Variants in TRPC5 observed in about 807,000 individuals in gnomAD.
TRPC5 encodes transient receptor potential cation channel subfamily C member 5, also known as short transient receptor potential channel 5.
Under a neutral mutation model 56.5 loss-of-function variants are expected in TRPC5, and 9 were observed. The observed-to-expected ratio is 0.16, with a 90% CI of 0.10 to 0.28. TRPC5 has a LOEUF of 0.28. TRPC5 is among the 10% of genes least tolerant of loss of function. The probability of loss-of-function intolerance (pLI) is 1.00; values close to 1 mark genes in which losing one functional copy is unlikely to be tolerated. For missense variants in TRPC5, 469 were observed against 748.9 expected, an observed-to-expected ratio of 0.63 and a Z score of 4.36; for synonymous variants, 282 against 278.5, an observed-to-expected ratio of 1.01 and a Z score of -0.13.
intron 1 of TRPC5, among the ~76,000 whole-genome samples, chrX:112,032,414 G>A (rs1017254235): frequency 4.5e-5 from 5 of 111,155 alleles, no homozygotes; most frequent in African/African-American, 1.3e-4. Context: ...CCAAAAGAAG[G>A]GAAATCAGTA....
In TRPC5 at chrX:111,887,231, G is replaced by T. The variant is rs190953980; in HGVS notation, c.900+25060C>A. Among the ~76,000 whole-genome samples the T allele has an allele frequency of 3.4e-3, 383 of 112,749 alleles. 2 individuals are homozygous for T. Among genetic ancestry groups the T allele is most frequent in the African/African-American group, 0.012 (376 of 31,090 alleles). ...GTGGGTAATGCCAGAGGAAGGCAGA[G>T]CTAGTTAGGAAGAAACAAATAATTT... On this transcript the variant is annotated intron_variant, in intron 3 of 10. Transcript: ENST00000262839.
chrX:111,905,086 T>C, intron 3 of TRPC5, among the ~76,000 whole-genome samples: 1 of 110,870 alleles, frequency 9.0e-6, no homozygotes, highest in East Asian at 2.8e-4. Flanking sequence ...ATATTCCATT[T>C]AAGGCTAAGA....
chrX:111,848,973 C>T (rs1923008727), intron 5 of TRPC5, among the ~76,000 whole-genome samples: 1 of 112,121 alleles, frequency 8.9e-6, no homozygotes, highest in African/African-American at 3.2e-5. Flanking sequence ...GGTCTCCAGA[C>T]ACTCAGTCTA....
chrX:112,015,609 G>A (rs1284862714), intron 1 of TRPC5, among the ~76,000 whole-genome samples: 7 of 111,368 alleles, frequency 6.3e-5, no homozygotes, highest in Admixed American at 2.9e-4. Context: ...GGCACAATTC[G>A]CGTCATCCGG....
At chrX:112,072,855 T>A (rs1390097235) in intron 1 of TRPC5, among the ~76,000 whole-genome samples, 1 of 111,834 alleles carries the variant, frequency 8.9e-6, no homozygotes, top group Non-Finnish European at 1.9e-5. Context: ...TCTTCACCTT[T>A]GATCATATAA....
chrX:111,845,756 C>T lies in TRPC5; in HGVS notation c.1700+1358G>A, dbSNP rs72619720. Among the ~76,000 whole-genome samples the T allele has an allele frequency of 2.5e-3, 286 of 112,182 alleles. 5 individuals are homozygous for T. In the East Asian group the frequency reaches 0.069, roughly 27 times the overall value. On this transcript the variant is annotated intron_variant, in intron 6 of 10. Coordinates refer to ENST00000262839, the MANE Select transcript of TRPC5 (RefSeq NM_012471.3). Reference sequence around the variant, plus strand: ...AGGAGAGGAAGCCATTCCTAGTCAACAGGCACTAGCGAGCTGATAAGCTGC... The same window carrying T: ...AGGAGAGGAAGCCATTCCTAGTCAATAGGCACTAGCGAGCTGATAAGCTGC...
At chrX:111,951,469 G>C (rs959819698) in intron 2 of TRPC5, among the ~76,000 whole-genome samples, 1 of 112,031 alleles carries the variant, frequency 8.9e-6, no homozygotes. Flanking sequence ...GATGACTTCA[G>C]AGTATCAAAC....
chrX:112,079,820 C>T (rs762462906), intron 1 of TRPC5, among the ~76,000 whole-genome samples: 41 of 111,331 alleles, frequency 3.7e-4, no homozygotes, highest in Non-Finnish European at 6.6e-4. Context: ...TCAGTGAAGC[C>T]GGGGGCTACA....
At chrX:111,822,809 AT>A (rs1046727576) in intron 7 of TRPC5, among the ~76,000 whole-genome samples, 1 of 111,269 alleles carries the variant, frequency 9.0e-6, no homozygotes, top group East Asian at 2.8e-4. Flanking sequence ...GGGGAGAGGT[AT>A]TTTTTTTGGG....
intron 3 of TRPC5, among the ~76,000 whole-genome samples, chrX:111,898,449 TC>T (rs746300804): frequency 7.3e-5 from 8 of 109,524 alleles, no homozygotes; most frequent in Admixed American, 9.8e-5. Flanking sequence ...CATTTTTGTA[TC>T]CCCTGTTTCC....
intron 3 of TRPC5, among the ~76,000 whole-genome samples, chrX:111,860,151 G>A (rs1374107073): frequency 3.6e-5 from 4 of 112,230 alleles, no homozygotes; most frequent in Admixed American, 9.4e-5. Context: ...CTCGTGATCC[G>A]CCCACCTCGG....
rs1401171350 is a variant in TRPC5, at chrX:111,768,602, G to C, written c.*7711C>G. On this transcript the variant is annotated 3_prime_UTR_variant, in exon 11 of 11. Transcript: ENST00000262839. The stretch of plus-strand genomic sequence containing the variant: ...TGTTTATCCTTATCTGAAGTGTCCT[G>C]GGGAAGGTCTGTGTCTTTACTGTTG... Among the ~76,000 whole-genome samples the C allele has an allele frequency of 8.9e-6, 1 of 111,876 alleles. No homozygotes were observed. Among genetic ancestry groups the C allele is most frequent in the East Asian group, 2.8e-4 (1 of 3,585 alleles).
In TRPC5 at chrX:111,912,822, AG is replaced by A; in HGVS notation, c.379-11del. 1 of 1,187,411 alleles carries A rather than the reference AG, an allele frequency of 8.4e-7. No individual in the cohort carries two copies. Among genetic ancestry groups the A allele is most frequent in the South Asian group, 1.8e-5 (1 of 54,121 alleles). ...TCATCAGAGTGGGGACCTAGGTACA[AG>A]AAATGAGAAGAATAGAAGGGCAGGA... On this transcript the variant is annotated splice_polypyrimidine_tract_variant and intron_variant, in intron 2 of 10. Transcript: ENST00000262839.
intron 1 of TRPC5, among the ~76,000 whole-genome samples, chrX:111,970,944 A>G (rs748714441): frequency 9.2e-6 from 1 of 109,049 alleles, no homozygotes; most frequent in Admixed American, 9.8e-5. Flanking sequence ...CGCCTGGCTA[A>G]TTTTTTTGTA....
chrX:112,069,941 G>A (rs893008434), intron 1 of TRPC5, among the ~76,000 whole-genome samples: 4 of 111,917 alleles, frequency 3.6e-5, no homozygotes, highest in African/African-American at 1.3e-4. Context: ...CCATCCTTCA[G>A]CAGTATCATT....
intron 1 of TRPC5, among the ~76,000 whole-genome samples, chrX:111,962,797 G>A (rs1046911785): frequency 8.9e-6 from 1 of 112,162 alleles, no homozygotes; most frequent in South Asian, 3.7e-4. Flanking sequence ...AGAGTCAATC[G>A]ATGTGGCAAA....
At position 111,955,308 on chromosome X, in the gene TRPC5, A is replaced by G. The variant is rs180860487; in HGVS notation, c.-21-2867T>C. Among the ~76,000 whole-genome samples, 63 of 112,002 alleles carry G rather than the reference A, an allele frequency of 5.6e-4. No individual in the cohort carries two copies. The Admixed American group carries it at 5.8e-3, about 10-fold the overall frequency. ...AGAGTCACTCTTGCTTTAAGGGACT[A>G]CATTGCCAAAACTACCCCTGGATGA... On this transcript the variant is annotated intron_variant, in intron 1 of 10. Transcript: ENST00000262839.
intron 7 of TRPC5, among the ~76,000 whole-genome samples, chrX:111,796,058 A>G (rs1488559601): frequency 9.0e-6 from 1 of 111,483 alleles, no homozygotes; most frequent in Non-Finnish European, 1.9e-5. Context: ...TCCATCTTCC[A>G]GTTTGTTGAT....
At chrX:112,068,626 G>C (rs981050832) in intron 1 of TRPC5, among the ~76,000 whole-genome samples, 2 of 111,677 alleles carry the variant, frequency 1.8e-5, no homozygotes, top group African/African-American at 3.3e-5. Context: ...GAGCATCAGG[G>C]AAACACACAC....
Sources: gnomAD v4.1 joint callset for allele counts (sites outside exome capture counted in the v4.1 genomes callset) on GRCh38, gnomAD v4.1.1 for gene constraint, MANE v1.5 for transcripts, NCBI Gene and HGNC (gene_info 2026-07-23, HGNC 2026-07-21) for gene names.